The following LZTFL1 variants were observed in gnomAD, a reference collection of about 807,000 sequenced individuals.
LZTFL1 encodes leucine zipper transcription factor-like protein 1.
LZTFL1 carries 25 observed loss-of-function variants against 45.9 expected under a neutral mutation model. The ratio of observed to expected loss-of-function variants is 0.54; its 90% confidence interval spans 0.40 to 0.76. The LOEUF is 0.76. Among genes scored for constraint, LZTFL1 ranks in the 30% least tolerant of loss-of-function variants. The probability of loss-of-function intolerance (pLI) is 0.00; values close to 1 mark genes in which losing one functional copy is unlikely to be tolerated. For synonymous variants in LZTFL1, 93 were observed against 117.4 expected (o/e 0.79, Z 1.35); for missense variants, 277 against 331.1 (o/e 0.84, Z 1.27).
intron 2 of LZTFL1, among the ~76,000 whole-genome samples, chr3:45,881,883 C>T (rs1241615699): frequency 6.6e-6 from 1 of 152,240 alleles, no homozygotes; most frequent in African/African-American, 2.4e-5. Flanking sequence ...ATATTAGCTG[C>T]TGAATAGCAG....
chr3:45,864,604 A>G (rs768408456), intron 2 of LZTFL1, among the ~76,000 whole-genome samples: 5 of 152,232 alleles, frequency 3.3e-5, no homozygotes, highest in Admixed American at 6.5e-5. Context: ...TCCTAATTTT[A>G]TGTATTAATA....
At chr3:45,902,865 C>G (rs1387493190) in intron 2 of LZTFL1, 1 of 167,068 alleles carries the variant, frequency 6.0e-6, no homozygotes, top group East Asian at 1.9e-4. Flanking sequence ...CCAGGTAGGG[C>G]AAAGGGGTGA....
At chr3:45,829,873 T>C (rs1393399482) in intron 7 of LZTFL1, among the ~76,000 whole-genome samples, 4 of 152,238 alleles carry the variant, frequency 2.6e-5, no homozygotes, top group African/African-American at 9.6e-5. Flanking sequence ...CGTGTTTTTA[T>C]AAATCTATTG....
intron 2 of LZTFL1, among the ~76,000 whole-genome samples, chr3:45,899,746 C>T (rs557518058): frequency 1.1e-4 from 17 of 152,182 alleles, no homozygotes; most frequent in African/African-American, 2.9e-4. Flanking sequence ...AGGCATGGCA[C>T]GGACTCTCCC....
At chr3:45,904,005 C>A (rs552226455) in intron 2 of LZTFL1, among the ~76,000 whole-genome samples, 21 of 152,176 alleles carry the variant, frequency 1.4e-4, no homozygotes, top group African/African-American at 4.8e-4. Context: ...TTAGATACTG[C>A]GGTTCTGATG....
At chr3:45,849,739 C>G (rs1320397476) in intron 4 of LZTFL1, among the ~76,000 whole-genome samples, 1 of 152,148 alleles carries the variant, frequency 6.6e-6, no homozygotes, top group Non-Finnish European at 1.5e-5. Flanking sequence ...TAACTTTGAA[C>G]AGCTAACATA....
intron 7 of LZTFL1, among the ~76,000 whole-genome samples, chr3:45,829,577 A>G (rs1044529578): frequency 4.4e-4 from 64 of 144,846 alleles, no homozygotes; most frequent in African/African-American, 1.6e-3. Context: ...GCACTCCAGC[A>G]TGGGAAACAG....
chr3:45,829,519 G>A (rs983472758), intron 7 of LZTFL1, among the ~76,000 whole-genome samples: 3 of 149,900 alleles, frequency 2.0e-5, no homozygotes, highest in Non-Finnish European at 4.4e-5. Flanking sequence ...TGGGAGGATC[G>A]CTTGAGCCGG....
At chr3:45,885,574 A>C (rs1483744445) in intron 2 of LZTFL1, among the ~76,000 whole-genome samples, 2 of 152,144 alleles carry the variant, frequency 1.3e-5, no homozygotes, top group African/African-American at 4.8e-5. Context: ...TCACAGGCAG[A>C]CTTTCTAAAG....
chr3:45,895,430 T>C (rs920937094), intron 2 of LZTFL1, among the ~76,000 whole-genome samples: 35 of 152,144 alleles, frequency 2.3e-4, no homozygotes. Flanking sequence ...AGTGAGTCAG[T>C]CTGGGCGTGG....
intron 1 of LZTFL1, among the ~76,000 whole-genome samples, chr3:45,914,097 G>A (rs897893895): frequency 6.6e-6 from 1 of 152,102 alleles, no homozygotes; most frequent in African/African-American, 2.4e-5. Flanking sequence ...CAAGATTCAA[G>A]GATCACAGGT....
chr3:45,830,886 G>T, intron 7 of LZTFL1, 27 bp downstream of exon 7: 1 of 1,594,396 alleles, frequency 6.3e-7, no homozygotes, highest in Non-Finnish European at 8.6e-7. Flanking sequence ...TAGAAAATGT[G>T]AGAAAGGTAG....
intron 2 of LZTFL1, among the ~76,000 whole-genome samples, chr3:45,876,432 T>G (rs1701750032): frequency 6.6e-6 from 1 of 152,198 alleles, no homozygotes; most frequent in Admixed American, 6.5e-5. Context: ...ACAGCAATCC[T>G]AGGGAATAGC....
In LZTFL1 at chr3:45,894,689, A is replaced by C. The variant is rs1052013877; in HGVS notation, c.-215+18431T>G. ...ATCAGGTGACCCTCAGAGTCAAAGA[A>C]GTGAATGATAACTTCAAAGGAGAGG... On this transcript the variant is annotated intron_variant, in intron 2 of 4. Transcript: ENST00000472635. Among the ~76,000 whole-genome samples the C allele has an allele frequency of 2.0e-5, 3 of 152,210 alleles. No individual in the cohort carries two copies. The East Asian group carries it at 5.8e-4, about 29-fold the overall frequency.
chr3:45,824,964 A>C lies in LZTFL1; in HGVS notation c.*1350T>G, dbSNP rs1288630160. The C allele has an allele frequency of 2.5e-6, 1 of 398,260 alleles. No individual in the cohort carries two copies. The highest frequency in any genetic ancestry group is 4.4e-6 in the Non-Finnish European group (1 of 225,804). 24.7% of individuals were successfully genotyped at this position (398,260 alleles called of 1,614,324 possible). A position where few individuals can be genotyped will look rare whatever the true frequency, so the allele number is the denominator to read the frequency against. The stretch of plus-strand genomic sequence containing the variant: ...CCTTCTCTCATCCATTCATCTTCTT[A>C]AGACTGCCTTCTGTGTCCTTTTGCA... On this transcript the variant is annotated 3_prime_UTR_variant, in exon 10 of 10. Transcript: ENST00000296135.
intron 2 of LZTFL1, among the ~76,000 whole-genome samples, chr3:45,890,411 C>T (rs896649175): frequency 1.6e-5 from 2 of 128,150 alleles, no homozygotes; most frequent in African/African-American, 3.0e-5. Flanking sequence ...AATCAACCTC[C>T]GTATTCCCCA....
intron 4 of LZTFL1, among the ~76,000 whole-genome samples, chr3:45,851,091 C>G (rs961284866): frequency 5.9e-5 from 9 of 152,196 alleles, no homozygotes; most frequent in African/African-American, 1.7e-4. Context: ...TCATAGCCAG[C>G]AGCTGTTCCA....
intron 2 of LZTFL1, among the ~76,000 whole-genome samples, chr3:45,869,260 C>A (rs1249386028): frequency 3.9e-5 from 6 of 152,204 alleles, no homozygotes; most frequent in Non-Finnish European, 8.8e-5. Flanking sequence ...CATGGGCAAC[C>A]AAGTCTACTG....
At chr3:45,827,521 G>A (rs1700700264) in intron 8 of LZTFL1, 62 bp from the exon 9 acceptor site, 1 of 1,007,124 alleles carries the variant, frequency 9.9e-7, no homozygotes. Context: ...GATAACAAAT[G>A]CGATAAAAAT....
Sources: gnomAD v4.1 joint callset for allele counts (sites outside exome capture counted in the v4.1 genomes callset) on GRCh38, gnomAD v4.1.1 for gene constraint, MANE v1.5 for transcripts, NCBI Gene and HGNC (gene_info 2026-07-23, HGNC 2026-07-21) for gene names.